CD46: variants seen among roughly 807,000 people sequenced by gnomAD.
CD46 encodes membrane cofactor protein.
In CD46, 30 loss-of-function variants were observed where a neutral mutation model predicts 53.3. That is an observed-to-expected ratio of 0.56 (90% CI 0.42 to 0.76). The LOEUF is 0.76. CD46 is among the 30% of genes least tolerant of loss of function. CD46 has a pLI of 0.00. For synonymous variants in CD46, 142 were observed against 152.0 expected (o/e 0.93, Z 0.48); for missense variants, 409 against 463.0 (o/e 0.88, Z 1.07).
chr1:207,782,646 T>TC lies in CD46; in HGVS notation c.944-646_944-645insC, dbSNP rs1358180967. 3.0e-4 allele frequency among the ~76,000 whole-genome samples: 39 copies of TC among 130,382 alleles called. 1 individual carries two copies. The highest frequency in any genetic ancestry group is 1.1e-3 in the African/African-American group (39 of 33,974). The allele number at this position is 130,382 out of a possible 152,430, so 85.5% of individuals were successfully genotyped here. A position where few individuals can be genotyped will look rare whatever the true frequency, so the allele number is the denominator to read the frequency against. ...TTTATTTTTATTAATCCCTCTTTTT[T>TC]TTTTTTTTTTTTTTTTTTTTGAGAC... On this transcript the variant is annotated intron_variant, in intron 8 of 12. Transcript: ENST00000367042.
chr1:207,781,176 C>T (rs941176867), intron 8 of CD46, among the ~76,000 whole-genome samples: 5 of 149,592 alleles, frequency 3.3e-5, no homozygotes, highest in Non-Finnish European at 3.0e-5. Flanking sequence ...ATATGCATTT[C>T]CCTAAAAATT....
Position 207,752,769 on chromosome 1 carries a change from G to A in CD46, c.97+460G>A, listed in dbSNP as rs1342370768. 1.3e-5 allele frequency among the ~76,000 whole-genome samples: 2 copies of A among 152,182 alleles called. No homozygotes were observed. The highest frequency in any genetic ancestry group is 2.9e-5 in the Non-Finnish European group (2 of 68,030). On this transcript the variant is annotated intron_variant, in intron 1 of 12. Coordinates refer to ENST00000367042, the MANE Select transcript of CD46 (RefSeq NM_172351.3). This position sits in a 1 kb window ranked among gnomAD's most constrained non-coding sequence, Gnocchi z 4.1. ...GGGCTTGGACAGTACCCGCGGTAAG[G>A]GTTGCAGTGCGTCTGCTGTGCCCCA...
chr1:207,792,878 G>C (rs1659928574), intron 12 of CD46, among the ~76,000 whole-genome samples: 3 of 152,132 alleles, frequency 2.0e-5, no homozygotes, highest in African/African-American at 4.8e-5. Flanking sequence ...CAATATTTTG[G>C]TTATACTCGG....
At chr1:207,784,764 T>A (rs1459796114) in intron 9 of CD46, among the ~76,000 whole-genome samples, 1 of 152,114 alleles carries the variant, frequency 6.6e-6, no homozygotes, top group African/African-American at 2.4e-5. Context: ...GCAAACACAT[T>A]CTTCTTCACA....
Position 207,766,701 on chromosome 1 carries a change from G to T in CD46, c.674-312G>T, listed in dbSNP as rs2466571. Reference sequence around the variant, plus strand: ...CAAAATTTTAAAAAGCAGCCAGTGAGTGGGGAAAACAACAAAAACCCGTAT... The same window carrying T: ...CAAAATTTTAAAAAGCAGCCAGTGATTGGGGAAAACAACAAAAACCCGTAT... On this transcript the variant is annotated intron_variant, in intron 5 of 12. Transcript: ENST00000367042. 0.47 allele frequency among the ~76,000 whole-genome samples: 71,399 copies of T among 151,832 alleles called. 18,127 individuals carry two copies. Among genetic ancestry groups the T allele is most frequent in the East Asian group, 0.83 (4,275 of 5,160 alleles).
intron 11 of CD46, among the ~76,000 whole-genome samples, chr1:207,789,870 GAAAAAAAAAAA>G (rs150136290): frequency 3.2e-4 from 14 of 43,376 alleles, no homozygotes; most frequent in South Asian, 2.8e-3. Context: ...GCTGTGTCTT[GAAAAAAAAAAA>G]AAAAAAAAAA....
intron 8 of CD46, among the ~76,000 whole-genome samples, chr1:207,778,073 C>T (rs1182226057): frequency 6.6e-6 from 1 of 152,036 alleles, no homozygotes; most frequent in Non-Finnish European, 1.5e-5. Context: ...TGTTTTTTGG[C>T]CACATATATG....
intron 12 of CD46, among the ~76,000 whole-genome samples, chr1:207,791,259 T>G (rs370182657): frequency 2.2e-4 from 33 of 152,214 alleles, no homozygotes; most frequent in African/African-American, 7.2e-4. Flanking sequence ...AAACCTTATA[T>G]ATACTGTTTT....
In CD46 at chr1:207,795,473, G is replaced by A. The variant is rs1660176335; in HGVS notation, c.*1996G>A. On this transcript the variant is annotated 3_prime_UTR_variant, in exon 13 of 13. Transcript: ENST00000367042. Reference sequence around the variant, plus strand: ...CTCATTTTTTAAAAAATGGACTCTTGAAATCTGTTAAAATAAAATTGTACA... The same window carrying A: ...CTCATTTTTTAAAAAATGGACTCTTAAAATCTGTTAAAATAAAATTGTACA... 6.6e-6 allele frequency: 1 copy of A among 152,176 alleles called. No homozygotes were observed. The highest frequency in any genetic ancestry group is 2.4e-5 in the African/African-American group (1 of 41,450). The allele number at this position is 152,176 out of a possible 1,614,324, so 9.4% of individuals were successfully genotyped here. A position where few individuals can be genotyped will look rare whatever the true frequency, so the allele number is the denominator to read the frequency against.
At chr1:207,770,222 T>C (rs1657339842) in intron 7 of CD46, 99 bp from the exon 8 acceptor site, 2 of 878,658 alleles carry the variant, frequency 2.3e-6, no homozygotes, top group South Asian at 2.8e-5. Context: ...GTGTGTAGTT[T>C]TCATTTGATA....
chr1:207,775,994 C>T (rs1022443993), intron 8 of CD46, among the ~76,000 whole-genome samples: 7 of 152,232 alleles, frequency 4.6e-5, no homozygotes, highest in African/African-American at 1.7e-4. Flanking sequence ...GAGGCAGTAG[C>T]CCTTACTGAG....
In CD46 at chr1:207,795,457, T is replaced by TA. The variant is rs1260669084; in HGVS notation, c.*1986dup. 2 of 152,226 alleles carry TA rather than the reference T, an allele frequency of 1.3e-5. No individual in the cohort carries two copies. The highest frequency in any genetic ancestry group is 2.4e-5 in the African/African-American group (1 of 41,466). The allele number at this position is 152,226 out of a possible 1,614,324, so 9.4% of individuals were successfully genotyped here. A position where few individuals can be genotyped will look rare whatever the true frequency, so the allele number is the denominator to read the frequency against. ...TAGAGGTTCTTTATTGCTCATTTTT[T>TA]AAAAAATGGACTCTTGAAATCTGTT... On this transcript the variant is annotated 3_prime_UTR_variant, in exon 13 of 13. Coordinates refer to ENST00000367042, the MANE Select transcript of CD46 (RefSeq NM_172351.3).
At position 207,794,615 on chromosome 1, in the gene CD46, A is replaced by G. The variant is rs565797413; in HGVS notation, c.*1138A>G. 4.6e-5 allele frequency: 7 copies of G among 152,344 alleles called. No individual in the cohort carries two copies. Among genetic ancestry groups the G allele is most frequent in the African/African-American group, 1.7e-4 (7 of 41,580 alleles). 9.4% of individuals were successfully genotyped at this position (152,344 alleles called of 1,614,324 possible). Reference sequence around the variant, plus strand: ...ATGTATATGTCTTACCTCATCTCCTAAAAGGCAGAGTACAAAGTAAGCCAT... The same window carrying G: ...ATGTATATGTCTTACCTCATCTCCTGAAAGGCAGAGTACAAAGTAAGCCAT... On this transcript the variant is annotated 3_prime_UTR_variant, in exon 13 of 13. Transcript: ENST00000367042.
chr1:207,784,138 A>G (rs192792430), intron 9 of CD46, among the ~76,000 whole-genome samples: 9 of 152,326 alleles, frequency 5.9e-5, no homozygotes, highest in Admixed American at 3.9e-4. Flanking sequence ...ATTTAGGACT[A>G]TGTCTTAATT....
In CD46 at chr1:207,757,064, C is replaced by G; in HGVS notation, c.148C>G (p.Pro50Ala). ...TGAAGCTATGGAGCTCATTGGTAAA[C>G]CAAAACCCTACTATGAGATTGGTGA... The part of the protein sequence containing the change: ...TFEAMELIGK[P>A]KPYYEIGERV... Residue 50 changes from proline to alanine, a missense_variant, in exon 2 of 13, where the codon CCA becomes GCA. Coordinates refer to ENST00000367042, the MANE Select transcript of CD46 (RefSeq NM_172351.3). 6.2e-7 allele frequency: 1 copy of G among 1,614,060 alleles called. No individual in the cohort carries two copies. The highest frequency in any genetic ancestry group is 8.5e-7 in the Non-Finnish European group (1 of 1,179,962).
chr1:207,773,495 G>C (rs969898706), intron 8 of CD46, among the ~76,000 whole-genome samples: 4 of 151,938 alleles, frequency 2.6e-5, no homozygotes, highest in Admixed American at 2.6e-4. Context: ...TTAGGGTGTT[G>C]ATTTTAGATC....
chr1:207,759,174 T>C (rs1470314546), intron 3 of CD46, among the ~76,000 whole-genome samples: 1 of 152,194 alleles, frequency 6.6e-6, no homozygotes, highest in African/African-American at 2.4e-5. Context: ...TGTACTGTTA[T>C]CCCCTTTTAA....
In CD46 at chr1:207,767,786, T is replaced by C; in HGVS notation, c.864T>C (p.Thr288=). 6.2e-7 allele frequency: 1 copy of C among 1,612,528 alleles called. No individual in the cohort carries two copies. Among genetic ancestry groups the C allele is most frequent in the African/African-American group, 1.3e-5 (1 of 75,006 alleles). The change falls in exon 7 of 13, where the codon ACT becomes ACC. Residue 288 remains threonine, a synonymous_variant. Transcript: ENST00000367042. ...TATTATTTTGTTTTCCAGTGTCGAC[T>C]TCTTCCACTACAAAATCTCCAGCGT... ...PPVPKCLKVS[T]SSTTKSPASS...
rs978529132 is a variant in CD46 at position 207,756,889 on chromosome 1, G to A, written c.98-125G>A. The stretch of plus-strand genomic sequence containing the variant: ...AGCACTCAGGTAAAAGCATGGAACA[G>A]TCATTTAAAATCTTGCCAAGGGCCT... On this transcript the variant is annotated intron_variant, in intron 1 of 12. Transcript: ENST00000367042. The A allele has an allele frequency of 4.0e-6, 3 of 758,404 alleles. No homozygotes were observed. The Admixed American group carries it at 5.9e-5, about 15-fold the overall frequency. The allele number at this position is 758,404 out of a possible 1,614,324, so 47.0% of individuals were successfully genotyped here. A position where few individuals can be genotyped will look rare whatever the true frequency, so the allele number is the denominator to read the frequency against.
Sources: allele counts gnomAD v4.1 joint callset (sites outside exome capture counted in the v4.1 genomes callset), GRCh38; gene constraint gnomAD v4.1.1; non-coding constraint Gnocchi (gnomAD v3.1); transcripts MANE v1.5; gene names NCBI Gene and HGNC (gene_info 2026-07-23, HGNC 2026-07-21).